The following SLC23A2 variants were observed in gnomAD, a reference collection of about 807,000 sequenced individuals.
SLC23A2 encodes Na(+)/L-ascorbic acid transporter 2.
SLC23A2 carries 36 observed loss-of-function variants against 73.3 expected under a neutral mutation model. That is an observed-to-expected ratio of 0.49 (90% CI 0.38 to 0.65). The LOEUF (loss-of-function observed/expected upper bound fraction) is 0.65. Ranked by LOEUF, SLC23A2 falls within the 30% of genes least tolerant of loss-of-function variation. SLC23A2 has a pLI of 0.00. For synonymous variants in SLC23A2, 343 were observed against 327.3 expected, an observed-to-expected ratio of 1.05 and a Z score of -0.52; for missense variants, 507 against 841.6, an observed-to-expected ratio of 0.60 and a Z score of 4.92.
chr20:4,986,852 T>C (rs1294612556), intron 1 of SLC23A2, among the ~76,000 whole-genome samples: 2 of 152,012 alleles, frequency 1.3e-5, no homozygotes, highest in Non-Finnish European at 2.9e-5. Flanking sequence ...TAAAGCATCA[T>C]TGTAAGCAAT....
At chr20:4,860,955 C>T (rs1214577949) in intron 15 of SLC23A2, among the ~76,000 whole-genome samples, 2 of 152,126 alleles carry the variant, frequency 1.3e-5, no homozygotes, top group Non-Finnish European at 2.9e-5. Flanking sequence ...GCAGGAGAAT[C>T]GCTTGAACCC....
At chr20:4,889,214 G>A (rs138614287) in intron 6 of SLC23A2, among the ~76,000 whole-genome samples, 30 of 152,270 alleles carry the variant, frequency 2.0e-4, no homozygotes, top group African/African-American at 6.3e-4. Context: ...CTTAAAGAAC[G>A]AGAAGTGCTT....
chr20:4,982,730 G>GT (rs1342148656), intron 1 of SLC23A2, among the ~76,000 whole-genome samples: 1 of 152,090 alleles, frequency 6.6e-6, no homozygotes, highest in Non-Finnish European at 1.5e-5. Context: ...ACCTAAATAT[G>GT]TGATTTTCAA....
chr20:4,926,556 G>A (rs1042367628), intron 3 of SLC23A2, among the ~76,000 whole-genome samples: 1 of 145,220 alleles, frequency 6.9e-6, no homozygotes, highest in Non-Finnish European at 1.5e-5. Context: ...CTTGCCATGG[G>A]CATTCACCCC....
chr20:4,989,627 G>GT (rs11271718), intron 1 of SLC23A2, among the ~76,000 whole-genome samples: 52,532 of 151,618 alleles, frequency 0.35, 9,816 homozygotes, highest in Admixed American at 0.41. Context: ...AGTGAGCCAT[G>GT]ATCTTGCCAC....
intron 2 of SLC23A2, among the ~76,000 whole-genome samples, chr20:4,934,459 G>A (rs1012175664): frequency 3.3e-5 from 5 of 152,030 alleles, no homozygotes; most frequent in African/African-American, 1.2e-4. Flanking sequence ...TAATCCTAAG[G>A]ACAAGATCAG....
chr20:4,962,248 C>T (rs199703669), intron 2 of SLC23A2, among the ~76,000 whole-genome samples: 8 of 125,902 alleles, frequency 6.4e-5, no homozygotes, highest in Admixed American at 1.7e-4. Context: ...CAACCACCCC[C>T]GCCCCAAAAA....
chr20:4,989,626 T>TTTA (rs376612425), intron 1 of SLC23A2, among the ~76,000 whole-genome samples: 1 of 151,588 alleles, frequency 6.6e-6, no homozygotes, highest in African/African-American at 2.4e-5. Context: ...CAGTGAGCCA[T>TTTA]GATCTTGCCA....
chr20:4,937,382 C>T (rs2086976544), intron 2 of SLC23A2, among the ~76,000 whole-genome samples: 2 of 152,146 alleles, frequency 1.3e-5, no homozygotes. Flanking sequence ...ATGAGCAAAT[C>T]CACTCGCTGT....
At chr20:4,918,228 T>C (rs1932391364) in intron 3 of SLC23A2, among the ~76,000 whole-genome samples, 1 of 152,212 alleles carries the variant, frequency 6.6e-6, no homozygotes, top group South Asian at 2.1e-4. Context: ...CTCAGGAAAT[T>C]GATCAAGTTT....
intron 2 of SLC23A2, among the ~76,000 whole-genome samples, chr20:4,958,309 C>T (rs2087324428): frequency 6.6e-6 from 1 of 152,170 alleles, no homozygotes; most frequent in African/African-American, 2.4e-5. Context: ...TTCTGCACTT[C>T]TCTTTTTAGT....
chr20:4,905,797 T>A (rs964235135), intron 4 of SLC23A2, among the ~76,000 whole-genome samples: 1 of 152,192 alleles, frequency 6.6e-6, no homozygotes, highest in African/African-American at 2.4e-5. Context: ...GGGAGCCACA[T>A]GGTTCTGTCA....
intron 2 of SLC23A2, among the ~76,000 whole-genome samples, chr20:4,966,809 TACACACACACACACAC>T (rs56931121): frequency 2.3e-4 from 25 of 109,820 alleles, no homozygotes; most frequent in South Asian, 6.2e-4. Flanking sequence ...TTGATAGTTT[TACACACACACACACAC>T]ACACACACAC....
Position 4,899,532 on chromosome 20 carries a change from C to T in SLC23A2, c.482+23G>A. ...AATGCCTTCTGGGGGCTTTGGCATC[C>T]CCCATTAGTACCCCAATCTCACCTG... On this transcript the variant is annotated intron_variant, in intron 6 of 16. Coordinates refer to ENST00000338244, the MANE Select transcript of SLC23A2 (RefSeq NM_005116.6). The surrounding 1 kb of genome is among the most constrained non-coding windows in gnomAD (Gnocchi z 4.9). The T allele has an allele frequency of 6.2e-7, 1 of 1,612,860 alleles. No individual in the cohort carries two copies. Among genetic ancestry groups the T allele is most frequent in the East Asian group, 2.2e-5 (1 of 44,850 alleles).
intron 1 of SLC23A2, among the ~76,000 whole-genome samples, chr20:4,985,377 C>T (rs2122292581): frequency 6.6e-6 from 1 of 152,114 alleles, no homozygotes; most frequent in East Asian, 1.9e-4. Flanking sequence ...AGTGGAGGTA[C>T]TGACACATGC....
intron 1 of SLC23A2, among the ~76,000 whole-genome samples, chr20:5,000,554 A>G (rs889738158): frequency 5.9e-5 from 9 of 152,112 alleles, no homozygotes; most frequent in African/African-American, 2.2e-4. Flanking sequence ...CCTACTACAA[A>G]CGCTGCAGAC....
chr20:5,002,831 G>A (rs970554105), upstream of SLC23A2, among the ~76,000 whole-genome samples: 13 of 152,262 alleles, frequency 8.5e-5, no homozygotes, highest in African/African-American at 2.9e-4. Flanking sequence ...AGGCTCAAGG[G>A]ATCCCCCAAC....
intron 3 of SLC23A2, among the ~76,000 whole-genome samples, chr20:4,926,964 G>A (rs1396158354): frequency 6.6e-6 from 1 of 151,894 alleles, no homozygotes; most frequent in Non-Finnish European, 1.5e-5. Context: ...TTTGGTTACT[G>A]GTGCCCAACC....
intron 6 of SLC23A2, among the ~76,000 whole-genome samples, chr20:4,896,222 C>T (rs969620900): frequency 1.3e-5 from 2 of 152,170 alleles, no homozygotes; most frequent in Non-Finnish European, 1.5e-5. Flanking sequence ...AGTGCCCCTT[C>T]GCTGCCTCAG....
Sources: gnomAD v4.1 joint callset for allele counts (sites outside exome capture counted in the v4.1 genomes callset) on GRCh38, gnomAD v4.1.1 for gene constraint, Gnocchi (gnomAD v3.1) non-coding constraint, MANE v1.5 for transcripts, NCBI Gene and HGNC (gene_info 2026-07-23, HGNC 2026-07-21) for gene names.